Variants in TMEM65 observed in about 807,000 individuals in gnomAD.
TMEM65 encodes the protein transmembrane protein 65.
Under a neutral mutation model 25.4 loss-of-function variants are expected in TMEM65, and 22 were observed. The ratio of observed to expected loss-of-function variants is 0.86; its 90% CI spans 0.62 to 1.23. The LOEUF is 1.23. Among genes scored for constraint, TMEM65 ranks in the 50% most tolerant of loss-of-function variants. TMEM65 has a pLI of 0.00. For missense variants in TMEM65, 262 were observed against 308.2 expected (o/e 0.85, Z 1.12); for synonymous variants, 132 against 126.2 (o/e 1.05, Z -0.31).
intron 3 of TMEM65, among the ~76,000 whole-genome samples, chr8:124,326,660 G>C (rs933465322): frequency 6.6e-6 from 1 of 151,932 alleles, no homozygotes; most frequent in Non-Finnish European, 1.5e-5. Flanking sequence ...ACAGAGCACT[G>C]GGCAGTTTTT....
intron 1 of TMEM65, among the ~76,000 whole-genome samples, chr8:124,351,455 C>T (rs148038895): frequency 2.8e-4 from 43 of 152,156 alleles, no homozygotes; most frequent in African/African-American, 9.4e-4. Flanking sequence ...ACATTAGAAA[C>T]GCTGATAAAG....
intron 1 of TMEM65, among the ~76,000 whole-genome samples, chr8:124,369,118 G>C (rs975296279): frequency 2.0e-5 from 3 of 152,170 alleles, no homozygotes; most frequent in African/African-American, 4.8e-5. Context: ...TGCTCTATCA[G>C]CAGAATATGG....
At chr8:124,369,176 C>T (rs942034199) in intron 1 of TMEM65, among the ~76,000 whole-genome samples, 6 of 152,074 alleles carry the variant, frequency 3.9e-5, no homozygotes, top group African/African-American at 1.4e-4. Context: ...AAATTGAAGG[C>T]GCAAACTCAA....
intron 5 of TMEM65, 36 bp downstream of exon 5, chr8:124,322,069 T>G: frequency 6.6e-7 from 1 of 1,511,600 alleles, no homozygotes; most frequent in East Asian, 2.3e-5. Flanking sequence ...AGACAGCAAG[T>G]ACAGAATATA....
At chr8:124,350,630 AT>A (rs1301348927) in intron 1 of TMEM65, among the ~76,000 whole-genome samples, 1 of 152,048 alleles carries the variant, frequency 6.6e-6, no homozygotes, top group East Asian at 1.9e-4. Context: ...TCAAAAATAT[AT>A]TTTTAAAATA....
chr8:124,322,273 T>A, intron 4 of TMEM65, 126 bp from the exon 5 acceptor site: 3 of 634,208 alleles, frequency 4.7e-6, no homozygotes, highest in Non-Finnish European at 7.8e-6. Flanking sequence ...ATATCCAAAG[T>A]AACTCATTGG....
chr8:124,338,873 T>C (rs1814544541), intron 1 of TMEM65, among the ~76,000 whole-genome samples: 1 of 152,056 alleles, frequency 6.6e-6, no homozygotes, highest in African/African-American at 2.4e-5. Flanking sequence ...ATACAGTATG[T>C]AAACCAACTG....
chr8:124,356,198 A>G (rs1296631762), intron 1 of TMEM65, among the ~76,000 whole-genome samples: 1 of 152,238 alleles, frequency 6.6e-6, no homozygotes, highest in South Asian at 2.1e-4. Flanking sequence ...GGCCTAATAC[A>G]TACCTGTTTT....
chr8:124,340,119 T>C (rs1050158145), intron 1 of TMEM65, among the ~76,000 whole-genome samples: 5 of 152,106 alleles, frequency 3.3e-5, no homozygotes, highest in African/African-American at 1.2e-4. Context: ...CAAATATCAT[T>C]CAAAAGTTGT....
At chr8:124,345,952 G>A (rs1433560445) in intron 1 of TMEM65, among the ~76,000 whole-genome samples, 4 of 152,160 alleles carry the variant, frequency 2.6e-5, no homozygotes, top group African/African-American at 9.6e-5. Flanking sequence ...TCACCATGTT[G>A]GTCAGGCTTG....
rs1814182297 is a variant in TMEM65 at position 124,312,943 on chromosome 8, T to G, written c.*1017A>C. On this transcript the variant is annotated 3_prime_UTR_variant, in exon 7 of 7. Coordinates refer to ENST00000297632, the MANE Select transcript of TMEM65 (RefSeq NM_194291.3). ...ATGAATATGGGGTATTCAGACTTAT[T>G]CCATTCAGATGAGAAGATGACATCT... 6.6e-6 allele frequency: 1 copy of G among 151,680 alleles called. No homozygotes were observed. Among genetic ancestry groups the G allele is most frequent in the Non-Finnish European group, 1.5e-5 (1 of 67,782 alleles). The allele number at this position is 151,680 out of a possible 1,614,324, so 9.4% of individuals were successfully genotyped here.
chr8:124,337,676 G>A (rs1814529137), intron 1 of TMEM65, among the ~76,000 whole-genome samples: 1 of 151,974 alleles, frequency 6.6e-6, no homozygotes, highest in Admixed American at 6.5e-5. Flanking sequence ...GCTGATTTAT[G>A]CTGTAGTAAG....
chr8:124,334,181 T>G (rs1586462543), intron 1 of TMEM65, among the ~76,000 whole-genome samples: 1 of 152,154 alleles, frequency 6.6e-6, no homozygotes, highest in Admixed American at 6.5e-5. Context: ...GTCTCTACAA[T>G]GTAGCAATTA....
chr8:124,358,670 C>A (rs1452143085), intron 1 of TMEM65, among the ~76,000 whole-genome samples: 1 of 152,218 alleles, frequency 6.6e-6, no homozygotes, highest in African/African-American at 2.4e-5. Flanking sequence ...GGCTCTGAAT[C>A]TATTCTGGTT....
intron 1 of TMEM65, among the ~76,000 whole-genome samples, chr8:124,369,118 G>A (rs975296279): frequency 6.6e-6 from 1 of 152,170 alleles, no homozygotes; most frequent in Non-Finnish European, 1.5e-5. Flanking sequence ...TGCTCTATCA[G>A]CAGAATATGG....
In TMEM65 at chr8:124,336,861, A is replaced by G. The variant is rs560060559; in HGVS notation, c.305-6069T>C. ...TCAAAATTGGTTCTTTGAAAAGATCAATAAAATTAATAAGACTCTAGCTAT... is the reference window on the plus strand; with the variant it reads ...TCAAAATTGGTTCTTTGAAAAGATCGATAAAATTAATAAGACTCTAGCTAT... On this transcript the variant is annotated intron_variant, in intron 1 of 6. Transcript: ENST00000297632. Among the ~76,000 whole-genome samples, 260 of 152,076 alleles carry G rather than the reference A, an allele frequency of 1.7e-3. 2 individuals carry two copies. Among genetic ancestry groups the G allele is most frequent in the Non-Finnish European group, 2.9e-3 (197 of 67,810 alleles).
chr8:124,360,191 G>C (rs1307532590), intron 1 of TMEM65, among the ~76,000 whole-genome samples: 1 of 152,116 alleles, frequency 6.6e-6, no homozygotes, highest in Non-Finnish European at 1.5e-5. Flanking sequence ...AGCACTTTGG[G>C]AGGTCGAGGC....
chr8:124,326,343 T>C (rs1814366040), intron 3 of TMEM65, among the ~76,000 whole-genome samples: 1 of 152,076 alleles, frequency 6.6e-6, no homozygotes, highest in Non-Finnish European at 1.5e-5. Context: ...TGAAAGTTGA[T>C]AATTGCCATA....
At position 124,311,733 on chromosome 8, in the gene TMEM65, T is replaced by C. The variant is rs1387594017; in HGVS notation, c.*2227A>G. ...GAAATCACTTTGTGGCAAAGCACCA[T>C]ACTAGGGTAGACTATGATCTTAAAC... is the stretch of plus-strand genomic sequence containing the variant. On this transcript the variant is annotated 3_prime_UTR_variant, in exon 7 of 7. Coordinates refer to ENST00000297632, the MANE Select transcript of TMEM65 (RefSeq NM_194291.3). 6.6e-6 allele frequency: 1 copy of C among 152,184 alleles called. No homozygotes were observed. 9.4% of individuals were successfully genotyped at this position (152,184 alleles called of 1,614,324 possible).
Sources: allele counts gnomAD v4.1 joint callset (sites outside exome capture counted in the v4.1 genomes callset), GRCh38; gene constraint gnomAD v4.1.1; transcripts MANE v1.5; gene names NCBI Gene and HGNC (gene_info 2026-07-23, HGNC 2026-07-21).